The following MACROD2 variants were observed in gnomAD, a reference collection of about 807,000 sequenced individuals.
The protein encoded by MACROD2 is mono-ADP ribosylhydrolase 2, also known as ADP-ribose glycohydrolase MACROD2.
A neutral mutation model predicts 70.4 loss-of-function variants in MACROD2; 36 were observed. The observed-to-expected ratio is 0.51, with a 90% confidence interval of 0.39 to 0.68. MACROD2 has a LOEUF of 0.68. Ranked by LOEUF, MACROD2 falls within the 30% of genes least tolerant of loss-of-function variation. MACROD2 has a pLI of 0.00. For synonymous variants in MACROD2, 172 were observed against 178.8 expected (o/e 0.96, Z 0.30); for missense variants, 496 against 538.4 (o/e 0.92, Z 0.78).
chr20:14,787,848 A>G (rs976606885), intron 5 of MACROD2, among the ~76,000 whole-genome samples: 1 of 152,102 alleles, frequency 6.6e-6, no homozygotes, highest in Non-Finnish European at 1.5e-5. Flanking sequence ...CCCTGAAGAA[A>G]TGCTGCAGAG....
intron 8 of MACROD2, among the ~76,000 whole-genome samples, chr20:15,543,040 A>T (rs1156973841): frequency 1.3e-5 from 2 of 152,240 alleles, no homozygotes; most frequent in African/African-American, 2.4e-5. Context: ...AAAAAGGGCC[A>T]TGCAAAATTT....
chr20:14,489,343 G>A (rs2084768591), intron 3 of MACROD2, among the ~76,000 whole-genome samples: 1 of 152,224 alleles, frequency 6.6e-6, no homozygotes, highest in South Asian at 2.1e-4. Context: ...TGTCAGGTGA[G>A]ATGGTTGCTT....
chr20:14,523,097 C>T (rs6042778), intron 4 of MACROD2, among the ~76,000 whole-genome samples: 100,161 of 151,924 alleles, frequency 0.66, 33,933 homozygotes, highest in East Asian at 0.89. Context: ...TTCCATTTTC[C>T]GATTTTCATA....
chr20:14,555,198 C>T (rs549312145), intron 4 of MACROD2, among the ~76,000 whole-genome samples: 28 of 152,192 alleles, frequency 1.8e-4, no homozygotes, highest in African/African-American at 6.7e-4. Context: ...TTTTACATTG[C>T]ATATGCCCGT....
intron 6 of MACROD2, among the ~76,000 whole-genome samples, chr20:15,324,879 A>T (rs1258535074): frequency 6.6e-6 from 1 of 152,176 alleles, no homozygotes; most frequent in Non-Finnish European, 1.5e-5. Flanking sequence ...GAAAATCAGG[A>T]TTAAATATTT....
At chr20:14,770,294 C>G (rs916211310) in intron 5 of MACROD2, among the ~76,000 whole-genome samples, 23 of 151,712 alleles carry the variant, frequency 1.5e-4, no homozygotes, top group African/African-American at 5.3e-4. Context: ...AAAAACTGTT[C>G]AGGATGATAG....
chr20:14,204,908 G>A (rs74543634), intron 3 of MACROD2, among the ~76,000 whole-genome samples: 44 of 152,112 alleles, frequency 2.9e-4, no homozygotes, highest in East Asian at 3.9e-4. Context: ...CTCATAAGGC[G>A]TAGAAGTGAC....
chr20:15,376,182 G>T (rs747225132), intron 6 of MACROD2, among the ~76,000 whole-genome samples: 1 of 152,184 alleles, frequency 6.6e-6, no homozygotes, highest in Non-Finnish European at 1.5e-5. Flanking sequence ...CTTTGTATTT[G>T]TGGCAATTTT....
intron 3 of MACROD2, among the ~76,000 whole-genome samples, chr20:14,411,743 C>T (rs2083751811): frequency 6.6e-6 from 1 of 151,948 alleles, no homozygotes. Flanking sequence ...TCAAGCTGCC[C>T]CCTACCAGCA....
chr20:15,455,999 A>G (rs991116700), intron 7 of MACROD2, among the ~76,000 whole-genome samples: 2 of 152,144 alleles, frequency 1.3e-5, no homozygotes, highest in Non-Finnish European at 2.9e-5. Flanking sequence ...TGTTGACCTC[A>G]TCAAGTTTCT....
chr20:14,447,124 T>C (rs1177103597), intron 3 of MACROD2, among the ~76,000 whole-genome samples: 1 of 152,106 alleles, frequency 6.6e-6, no homozygotes, highest in Non-Finnish European at 1.5e-5. Flanking sequence ...GTTCAAGTGA[T>C]TCTCCTGCCT....
intron 6 of MACROD2, among the ~76,000 whole-genome samples, chr20:15,371,932 C>T (rs886827305): frequency 1.3e-5 from 2 of 152,046 alleles, no homozygotes; most frequent in African/African-American, 4.8e-5. Context: ...TAGATCCTGC[C>T]ATTAAAATAC....
intron 4 of MACROD2, among the ~76,000 whole-genome samples, chr20:14,532,322 A>G (rs539551139): frequency 1.6e-4 from 23 of 146,896 alleles, no homozygotes; most frequent in Non-Finnish European, 3.3e-4. Context: ...GGGTTCAGCC[A>G]TTCTCCTGCC....
At chr20:14,079,572 C>T (rs976390182) in intron 2 of MACROD2, among the ~76,000 whole-genome samples, 3 of 152,124 alleles carry the variant, frequency 2.0e-5, no homozygotes, top group African/African-American at 7.2e-5. Flanking sequence ...AACCTGATCC[C>T]TCCAGAATTC....
At chr20:14,858,879 C>T (rs1398446703) in intron 5 of MACROD2, among the ~76,000 whole-genome samples, 2 of 152,034 alleles carry the variant, frequency 1.3e-5, no homozygotes, top group African/African-American at 4.8e-5. Flanking sequence ...GTAAGGATTA[C>T]ATGAGTAAAG....
At chr20:15,062,243 C>T (rs1275877208) in intron 5 of MACROD2, among the ~76,000 whole-genome samples, 1 of 152,110 alleles carries the variant, frequency 6.6e-6, no homozygotes, top group African/African-American at 2.4e-5. Flanking sequence ...GCTGCATTTC[C>T]AGGTGTTGAG....
At chr20:15,921,899 AGGACTCCG>A (rs2147291608) in intron 10 of MACROD2, among the ~76,000 whole-genome samples, 1 of 152,328 alleles carries the variant, frequency 6.6e-6, no homozygotes, top group South Asian at 2.1e-4. Flanking sequence ...GTCCTGCGGG[AGGACTCCG>A]GGAAATAGTG....
chr20:15,360,278 C>A (rs183128430), intron 6 of MACROD2, among the ~76,000 whole-genome samples: 2 of 152,166 alleles, frequency 1.3e-5, no homozygotes, highest in East Asian at 3.9e-4. Flanking sequence ...TTTGTTGTTT[C>A]CACTTTTTGA....
chr20:15,302,735 C>G (rs1004769801), intron 6 of MACROD2, among the ~76,000 whole-genome samples: 7 of 152,162 alleles, frequency 4.6e-5, no homozygotes, highest in Admixed American at 2.0e-4. Flanking sequence ...AGATGGCCTT[C>G]TAAAAAAACT....
Sources: gnomAD v4.1 joint callset for allele counts (sites outside exome capture counted in the v4.1 genomes callset) on GRCh38, gnomAD v4.1.1 for gene constraint, MANE v1.5 for transcripts, NCBI Gene and HGNC (gene_info 2026-07-23, HGNC 2026-07-21) for gene names.